METTL15: variants seen among roughly 807,000 people sequenced by gnomAD.
METTL15 encodes 12S rRNA N(4)-cytidine methyltransferase METTL15.
METTL15 carries 34 observed loss-of-function variants against 38.3 expected under a neutral mutation model. The observed-to-expected ratio is 0.89, with a 90% CI of 0.68 to 1.18. The LOEUF is 1.18. METTL15 is among the 50% of genes most tolerant of loss of function. The pLI, the probability that METTL15 is intolerant of heterozygous loss-of-function variation, is 0.00. For missense variants in METTL15, 438 were observed against 498.4 expected (o/e 0.88, Z 1.15); for synonymous variants, 162 against 170.9 (o/e 0.95, Z 0.41).
intron 6 of METTL15, among the ~76,000 whole-genome samples, chr11:28,431,413 CTT>C (rs1850927052): frequency 1.0e-5 from 1 of 95,908 alleles, no homozygotes; most frequent in African/African-American, 3.5e-5. Flanking sequence ...ACACGGGAGA[CTT>C]TTCATTTTGT....
intron 3 of METTL15, among the ~76,000 whole-genome samples, chr11:28,131,672 T>G (rs1451729965): frequency 6.6e-6 from 1 of 152,174 alleles, no homozygotes; most frequent in East Asian, 1.9e-4. Context: ...TGCACTAAAA[T>G]GCATTGGAAT....
intron 5 of METTL15, among the ~76,000 whole-genome samples, chr11:28,397,020 G>C (rs896884684): frequency 3.3e-5 from 5 of 152,052 alleles, no homozygotes; most frequent in African/African-American, 1.2e-4. Flanking sequence ...AATGGTGTTG[G>C]GAAAACTGGC....
intron 3 of METTL15, among the ~76,000 whole-genome samples, chr11:28,177,692 A>G (rs182145435): frequency 2.6e-5 from 4 of 152,072 alleles, no homozygotes; most frequent in Admixed American, 2.6e-4. Flanking sequence ...ATTAATTTTC[A>G]TGATTCTTTT....
intron 6 of METTL15, among the ~76,000 whole-genome samples, chr11:28,473,524 C>T (rs1851319347): frequency 6.6e-6 from 1 of 152,140 alleles, no homozygotes; most frequent in Non-Finnish European, 1.5e-5. Flanking sequence ...TTGGCTCCTG[C>T]ATTCATGCTG....
At chr11:28,378,078 T>C (rs1185363171) in intron 5 of METTL15, among the ~76,000 whole-genome samples, 1 of 152,068 alleles carries the variant, frequency 6.6e-6, no homozygotes, top group Non-Finnish European at 1.5e-5. Flanking sequence ...ACAGGGACAT[T>C]TAAGTCTGCA....
chr11:28,334,851 A>G (rs1849886579), downstream of METTL15, among the ~76,000 whole-genome samples: 1 of 152,206 alleles, frequency 6.6e-6, no homozygotes, highest in Admixed American at 6.5e-5. Context: ...GTCATAATTT[A>G]TAATGCTTGT....
At chr11:28,163,409 C>T in intron 3 of METTL15, 1 of 398,124 alleles carries the variant, frequency 2.5e-6, no homozygotes, top group Non-Finnish European at 4.4e-6. Flanking sequence ...TACAGCAGCC[C>T]TGCTTTTGCT....
chr11:28,138,300 G>A (rs1242493279), intron 3 of METTL15, among the ~76,000 whole-genome samples: 1 of 152,108 alleles, frequency 6.6e-6, no homozygotes, highest in Non-Finnish European at 1.5e-5. Context: ...TCCATGAAGT[G>A]TAAAACATAA....
At chr11:28,241,519 G>C (rs192588128) in intron 4 of METTL15, among the ~76,000 whole-genome samples, 2 of 151,330 alleles carry the variant, frequency 1.3e-5, no homozygotes, top group East Asian at 3.9e-4. Flanking sequence ...GGGCGACAGA[G>C]GGAGACCCCG....
downstream of METTL15, among the ~76,000 whole-genome samples, chr11:28,528,320 G>A (rs1051674198): frequency 5.3e-5 from 8 of 152,152 alleles, no homozygotes; most frequent in Admixed American, 2.0e-4. Flanking sequence ...ACTCAGCAAC[G>A]AACCAGCTGA....
intron 6 of METTL15, among the ~76,000 whole-genome samples, chr11:28,430,626 C>T (rs1419031609): frequency 5.8e-5 from 3 of 52,160 alleles, no homozygotes; most frequent in Non-Finnish European, 1.2e-4. Context: ...CCCGGCCAGC[C>T]ACCCCGTCTG....
chr11:28,430,498 A>G (rs1237981059), intron 6 of METTL15, among the ~76,000 whole-genome samples: 44 of 1,642 alleles, frequency 0.027, no homozygotes, highest in African/African-American at 0.049. Flanking sequence ...CGGGAGGGAG[A>G]TGGGGGGGTC....
intron 3 of METTL15, among the ~76,000 whole-genome samples, chr11:28,185,544 A>T (rs939384526): frequency 1.3e-5 from 2 of 151,446 alleles, no homozygotes; most frequent in African/African-American, 4.8e-5. Flanking sequence ...GTTGCCATCA[A>T]TTTTATTAGT....
intron 4 of METTL15, among the ~76,000 whole-genome samples, chr11:28,252,556 G>A (rs1854790622): frequency 6.6e-6 from 1 of 152,044 alleles, no homozygotes; most frequent in Non-Finnish European, 1.5e-5. Flanking sequence ...TTGTAATGAA[G>A]TATCTCTTTT....
intron 6 of METTL15, among the ~76,000 whole-genome samples, chr11:28,427,299 A>G (rs1185845806): frequency 2.6e-5 from 4 of 152,006 alleles, no homozygotes; most frequent in South Asian, 4.1e-4. Context: ...CTATGTGTCT[A>G]TTCTTGAACC....
intron 5 of METTL15, among the ~76,000 whole-genome samples, chr11:28,414,238 G>T (rs1274443705): frequency 6.6e-6 from 1 of 152,012 alleles, no homozygotes; most frequent in Non-Finnish European, 1.5e-5. Flanking sequence ...AGACAAACTT[G>T]CCAAGCAATG....
chr11:28,142,109 T>C (rs1206589785), intron 3 of METTL15, among the ~76,000 whole-genome samples: 1 of 152,188 alleles, frequency 6.6e-6, no homozygotes, highest in East Asian at 1.9e-4. Context: ...AAACCAAATG[T>C]CAAAAAACAA....
chr11:28,430,841 G>A (rs866914696), intron 6 of METTL15, among the ~76,000 whole-genome samples: 1 of 105,800 alleles, frequency 9.5e-6, no homozygotes, highest in African/African-American at 3.4e-5. Context: ...CGCCTGGTCC[G>A]GGAGGGAGGT....
intron 5 of METTL15, among the ~76,000 whole-genome samples, chr11:28,376,292 G>T (rs1209321724): frequency 6.6e-6 from 1 of 152,084 alleles, no homozygotes; most frequent in South Asian, 2.1e-4. Flanking sequence ...TTATTAATGT[G>T]TGGGAGTCTA....
Sources: allele counts gnomAD v4.1 joint callset (sites outside exome capture counted in the v4.1 genomes callset), GRCh38; gene constraint gnomAD v4.1.1; transcripts MANE v1.5; gene names NCBI Gene and HGNC (gene_info 2026-07-23, HGNC 2026-07-21).